MAGI2: variants seen among roughly 807,000 people sequenced by gnomAD.
MAGI2 encodes membrane associated guanylate kinase, WW and PDZ domain containing 2.
Under a neutral mutation model 133.3 loss-of-function variants are expected in MAGI2, and 35 were observed. The ratio of observed to expected loss-of-function variants is 0.26; its 90% CI spans 0.20 to 0.35. The LOEUF (loss-of-function observed/expected upper bound fraction) is 0.35. Ranked by LOEUF, MAGI2 falls within the 10% of genes least tolerant of loss-of-function variation. The pLI is 1.00. For missense variants in MAGI2, 1,636 were observed against 1,863.4 expected (o/e 0.88, Z 2.25); for synonymous variants, 729 against 710.6 (o/e 1.03, Z -0.41).
intron 2 of MAGI2, among the ~76,000 whole-genome samples, chr7:78,830,368 T>C (rs1791035505): frequency 6.6e-6 from 1 of 152,160 alleles, no homozygotes; most frequent in Non-Finnish European, 1.5e-5. Context: ...TCCATTTTGC[T>C]TTGCTTCAGG....
intron 6 of MAGI2, among the ~76,000 whole-genome samples, chr7:78,404,001 A>C (rs1308368109): frequency 6.6e-6 from 1 of 152,196 alleles, no homozygotes; most frequent in Non-Finnish European, 1.5e-5. Flanking sequence ...AAAAATCACA[A>C]GCATTCCTAT....
intron 21 of MAGI2, among the ~76,000 whole-genome samples, chr7:78,057,011 T>C (rs1286743911): frequency 1.3e-5 from 2 of 150,056 alleles, no homozygotes; most frequent in African/African-American, 4.9e-5. Context: ...TGAGATCCTA[T>C]ATATTTTATA....
chr7:79,058,905 G>A (rs1049934656), intron 1 of MAGI2, among the ~76,000 whole-genome samples: 1 of 151,922 alleles, frequency 6.6e-6, no homozygotes, highest in African/African-American at 2.4e-5. Context: ...AGTAGATAAG[G>A]GACAAATAAT....
At chr7:78,869,938 T>C (rs966544025) in intron 2 of MAGI2, among the ~76,000 whole-genome samples, 1 of 152,196 alleles carries the variant, frequency 6.6e-6, no homozygotes, top group Non-Finnish European at 1.5e-5. Context: ...TCTATTCTGC[T>C]TCATTGGTCT....
chr7:78,795,620 A>G (rs1365465552), intron 2 of MAGI2, among the ~76,000 whole-genome samples: 1 of 143,956 alleles, frequency 6.9e-6, no homozygotes, highest in Non-Finnish European at 1.5e-5. Flanking sequence ...TCAAAATACC[A>G]ATGACATTCT....
chr7:78,324,247 C>A (rs373456952), intron 9 of MAGI2, among the ~76,000 whole-genome samples: 2 of 150,504 alleles, frequency 1.3e-5, no homozygotes, highest in East Asian at 3.9e-4. Flanking sequence ...AAAAAAAAAA[C>A]AGAAGGCTGG....
chr7:79,002,603 G>T (rs1352964695), intron 2 of MAGI2, among the ~76,000 whole-genome samples: 1 of 151,826 alleles, frequency 6.6e-6, no homozygotes, highest in Non-Finnish European at 1.5e-5. Flanking sequence ...ATTATGAAAA[G>T]TATATCTGGG....
chr7:78,872,182 C>A (rs1584234124), intron 2 of MAGI2, among the ~76,000 whole-genome samples: 1 of 145,712 alleles, frequency 6.9e-6, no homozygotes, highest in Admixed American at 6.8e-5. Context: ...TGGTAAAAAA[C>A]AGACACAAAA....
intron 2 of MAGI2, among the ~76,000 whole-genome samples, chr7:78,999,888 T>A (rs555242403): frequency 6.6e-6 from 1 of 152,324 alleles, no homozygotes; most frequent in East Asian, 1.9e-4. Context: ...AAATATCAAA[T>A]TCATTCTCAA....
chr7:78,626,586 A>C (rs1808370679), intron 3 of MAGI2, among the ~76,000 whole-genome samples: 1 of 149,944 alleles, frequency 6.7e-6, no homozygotes, highest in Non-Finnish European at 1.5e-5. Context: ...GTACACAAGG[A>C]GATTTCTATT....
chr7:78,291,154 G>T (rs937563237), intron 9 of MAGI2, among the ~76,000 whole-genome samples: 1 of 152,044 alleles, frequency 6.6e-6, no homozygotes, highest in Non-Finnish European at 1.5e-5. Context: ...CTGGTTTTTT[G>T]AAAAGATCAA....
intron 3 of MAGI2, among the ~76,000 whole-genome samples, chr7:78,524,214 C>T (rs1003538929): frequency 1.3e-5 from 2 of 152,120 alleles, no homozygotes; most frequent in African/African-American, 4.8e-5. Flanking sequence ...TCTCAGGGGC[C>T]TCCCCGGGTA....
At chr7:78,434,640 A>G (rs150492880) in intron 6 of MAGI2, among the ~76,000 whole-genome samples, 109 of 152,300 alleles carry the variant, frequency 7.2e-4, no homozygotes, top group African/African-American at 2.5e-3. Flanking sequence ...TTACCCTCAC[A>G]TAAAATGAGA....
chr7:79,197,184 G>T lies in MAGI2; in HGVS notation c.302-189978C>A, dbSNP rs542182020. On this transcript the variant is annotated intron_variant, in intron 1 of 21. Transcript: ENST00000354212. ...GTTCTTCCAGATCTAGTGGGTACTTGTCATCTGCTAGGACAGCCATCCTGT... is the reference window on the plus strand; with the variant it reads ...GTTCTTCCAGATCTAGTGGGTACTTTTCATCTGCTAGGACAGCCATCCTGT... Among the ~76,000 whole-genome samples, 62 of 151,874 alleles carry T rather than the reference G, an allele frequency of 4.1e-4. 1 individual carries two copies. Among genetic ancestry groups the T allele is most frequent in the African/African-American group, 1.5e-3 (61 of 41,304 alleles).
rs779649509 is a variant in MAGI2, at chr7:78,256,296, G to A, written c.1694C>T (p.Pro565Leu). The A allele has an allele frequency of 5.0e-6, 8 of 1,614,040 alleles. No individual in the cohort carries two copies. Among genetic ancestry groups the A allele is most frequent in the African/African-American group, 2.7e-5 (2 of 75,024 alleles). The change falls in exon 10 of 22, where the codon CCG becomes CTG. Residue 565 changes from proline to leucine, a missense_variant. This residue lies in a region of MAGI2 where 920 missense variants were observed against 1,093.5 expected (regional missense o/e 0.84). Transcript: ENST00000354212. ...TGGCATGGAGTGCAGAGAATGAGGCGGCCGATCTGTTATATCTGGAACTGA... is the reference window on the plus strand; with the variant it reads ...TGGCATGGAGTGCAGAGAATGAGGCAGCCGATCTGTTATATCTGGAACTGA... ...SQSVPDITDRPPHSLHSMPTD... is the reference protein window; with the variant it reads ...SQSVPDITDRLPHSLHSMPTD...
At position 78,553,282 on chromosome 7, in the gene MAGI2, A is replaced by G. The variant is rs528606914; in HGVS notation, c.539-31637T>C. On this transcript the variant is annotated intron_variant, in intron 3 of 21. Transcript: ENST00000354212. ...AGCTTTATTTTAATGATCACAACCCAGTTAATCATTTAAAAGTTTTCCGTA... is the reference window on the plus strand; with the variant it reads ...AGCTTTATTTTAATGATCACAACCCGGTTAATCATTTAAAAGTTTTCCGTA... Among the ~76,000 whole-genome samples, 17 of 152,254 alleles carry G rather than the reference A, an allele frequency of 1.1e-4. No individual in the cohort carries two copies. The East Asian group carries it at 2.9e-3, about 26-fold the overall frequency.
At chr7:78,746,069 A>G (rs1822900523) in intron 2 of MAGI2, among the ~76,000 whole-genome samples, 2 of 152,212 alleles carry the variant, frequency 1.3e-5, no homozygotes, top group Admixed American at 6.5e-5. Context: ...AACTTGTCAC[A>G]TAACAATCAG....
intron 1 of MAGI2, among the ~76,000 whole-genome samples, chr7:79,399,588 A>G (rs1490426610): frequency 6.6e-6 from 1 of 152,188 alleles, no homozygotes; most frequent in Non-Finnish European, 1.5e-5. Context: ...ATACAAGTGC[A>G]GTGCTTCTAG....
intron 9 of MAGI2, among the ~76,000 whole-genome samples, chr7:78,301,403 A>T (rs1282982216): frequency 1.3e-5 from 2 of 152,218 alleles, no homozygotes; most frequent in Non-Finnish European, 2.9e-5. Flanking sequence ...GAGTACAAAC[A>T]TGTTCCCCAG....
Sources: allele counts gnomAD v4.1 joint callset (sites outside exome capture counted in the v4.1 genomes callset), GRCh38; gene constraint gnomAD v4.1.1; regional missense constraint gnomAD v4.1.1; transcripts MANE v1.5; gene names NCBI Gene and HGNC (gene_info 2026-07-23, HGNC 2026-07-21).